The following LRRC4C variants were observed in gnomAD, a reference collection of about 807,000 sequenced individuals.
LRRC4C encodes leucine rich repeat containing 4C.
LRRC4C carries 5 observed loss-of-function variants against 33.6 expected under a neutral mutation model. The ratio of observed to expected loss-of-function variants is 0.15; its 90% CI spans 0.08 to 0.31. The LOEUF is 0.31. Ranked by LOEUF, LRRC4C falls within the 10% of genes least tolerant of loss-of-function variation. The pLI is 1.00. For synonymous variants in LRRC4C, 329 were observed against 302.0 expected (o/e 1.09, Z -0.93); for missense variants, 560 against 796.7 (o/e 0.70, Z 3.58).
rs760662792 is a variant in LRRC4C at position 41,329,987 on chromosome 11, AT to A, written c.-496+129443del. Among the ~76,000 whole-genome samples the A allele has an allele frequency of 1.5e-4, 23 of 152,286 alleles. No individual in the cohort carries two copies. The South Asian group carries it at 4.1e-3, about 27-fold the overall frequency. On this transcript the variant is annotated intron_variant, in intron 1 of 6. Coordinates refer to ENST00000528697, the MANE Select transcript of LRRC4C (RefSeq NM_001258419.2). ...ACATCAAATTGCACCCTGTACCTGA[AT>A]TTTCCAGAAGGTTAATACCTGAGAG...
chr11:40,344,260 C>G, intron 3 of LRRC4C, among the ~76,000 whole-genome samples: 1 of 152,112 alleles, frequency 6.6e-6, no homozygotes, highest in East Asian at 1.9e-4. Context: ...CAACAAGACA[C>G]TAGAAAACCA....
intron 4 of LRRC4C, among the ~76,000 whole-genome samples, chr11:40,301,017 G>T (rs1278214943): frequency 6.6e-6 from 1 of 152,154 alleles, no homozygotes; most frequent in Non-Finnish European, 1.5e-5. Context: ...GAAACCCACA[G>T]ATATGGAGGG....
intron 1 of LRRC4C, among the ~76,000 whole-genome samples, chr11:41,099,187 T>C (rs1178487854): frequency 6.6e-6 from 1 of 151,776 alleles, no homozygotes; most frequent in Admixed American, 6.6e-5. Flanking sequence ...ATTAAATCAA[T>C]AAGAAATAGC....
intron 2 of LRRC4C, among the ~76,000 whole-genome samples, chr11:40,836,615 C>T (rs1241095931): frequency 6.6e-6 from 1 of 152,058 alleles, no homozygotes; most frequent in African/African-American, 2.4e-5. Context: ...GAGAAAAGTC[C>T]TGTGTCCCAT....
At chr11:41,239,544 C>T (rs983788498) in intron 1 of LRRC4C, among the ~76,000 whole-genome samples, 1 of 152,032 alleles carries the variant, frequency 6.6e-6, no homozygotes. Context: ...TTTATCTCCC[C>T]TAGGTAGATG....
In LRRC4C at chr11:41,056,715, C is replaced by A. The variant is rs563728286; in HGVS notation, c.-495-122992G>T. ...TGCAAACCAAAACCACAATGAGATA[C>A]CATATCATACCAGTCAGAGTGGCTA... On this transcript the variant is annotated intron_variant, in intron 1 of 6. Transcript: ENST00000528697. 3.9e-5 allele frequency among the ~76,000 whole-genome samples: 6 copies of A among 152,260 alleles called. No individual in the cohort carries two copies. The East Asian group carries it at 1.2e-3, about 29-fold the overall frequency.
chr11:40,722,182 T>A (rs1349525619), intron 2 of LRRC4C, among the ~76,000 whole-genome samples: 1 of 152,202 alleles, frequency 6.6e-6, no homozygotes, highest in Non-Finnish European at 1.5e-5. Context: ...TTTATTAATT[T>A]TAATTTTGTT....
chr11:41,330,520 C>T (rs12576336), intron 1 of LRRC4C, among the ~76,000 whole-genome samples: 27,247 of 151,836 alleles, frequency 0.18, 2,855 homozygotes, highest in East Asian at 0.45. Context: ...CCTCATTTAC[C>T]TCCTTCACCC....
chr11:41,265,360 C>G (rs1388622040), intron 1 of LRRC4C, among the ~76,000 whole-genome samples: 3 of 152,044 alleles, frequency 2.0e-5, no homozygotes, highest in Non-Finnish European at 4.4e-5. Flanking sequence ...GCAGAGAGGA[C>G]TGGGCTGGTT....
At chr11:40,849,076 TA>T (rs1354854538) in intron 2 of LRRC4C, among the ~76,000 whole-genome samples, 1 of 152,052 alleles carries the variant, frequency 6.6e-6, no homozygotes, top group Non-Finnish European at 1.5e-5. Flanking sequence ...ACAGCACACA[TA>T]TGGTTCTTGA....
intron 1 of LRRC4C, among the ~76,000 whole-genome samples, chr11:40,998,490 G>A (rs1399040130): frequency 1.3e-5 from 2 of 151,978 alleles, no homozygotes. Context: ...ATACATCTCT[G>A]GGGTTTTATT....
At chr11:40,969,654 G>A (rs375255760) in intron 1 of LRRC4C, among the ~76,000 whole-genome samples, 36 of 152,154 alleles carry the variant, frequency 2.4e-4, no homozygotes, top group African/African-American at 8.4e-4. Context: ...AGACTCAGAT[G>A]ATTATTAGCA....
rs559443811 is a variant in LRRC4C, at chr11:40,636,910, G to A, written c.-270+11232C>T. 2.6e-5 allele frequency among the ~76,000 whole-genome samples: 4 copies of A among 152,244 alleles called. No individual in the cohort carries two copies. The South Asian group carries it at 8.3e-4, about 32-fold the overall frequency. On this transcript the variant is annotated intron_variant, in intron 3 of 6. Coordinates refer to ENST00000528697, the MANE Select transcript of LRRC4C (RefSeq NM_001258419.2). ...TGGCAGTGAGCACCCTGAGAATGCC[G>A]GTCTGAGGCACAGTCATCTTCCTCT... is the stretch of plus-strand genomic sequence containing the variant.
At chr11:41,283,504 G>GA (rs1001133013) in intron 1 of LRRC4C, among the ~76,000 whole-genome samples, 2 of 152,096 alleles carry the variant, frequency 1.3e-5, no homozygotes, top group Non-Finnish European at 2.9e-5. Context: ...TTGAGTGGTT[G>GA]AAAAAACAAA....
At chr11:40,545,815 G>A (rs1049394099) in intron 3 of LRRC4C, among the ~76,000 whole-genome samples, 2 of 151,832 alleles carry the variant, frequency 1.3e-5, no homozygotes, top group Non-Finnish European at 2.9e-5. Flanking sequence ...ATAATTCAGG[G>A]TTCACCTAGA....
At chr11:41,398,999 A>T (rs536943470) in intron 1 of LRRC4C, among the ~76,000 whole-genome samples, 4 of 152,032 alleles carry the variant, frequency 2.6e-5, no homozygotes, top group Admixed American at 1.3e-4. Context: ...AAATCTCTGG[A>T]TTAAGGCTAC....
rs775679545 is a variant in LRRC4C at position 41,442,458 on chromosome 11, CTTTTTTTTTT to C, written c.-496+16963_-496+16972del. ...AGTTCTCTCTCTTTGTTGCTTTTTT[CTTTTTTTTTT>C]TTTTTTTTTTTTTTTTTTTGAGACA... is the stretch of plus-strand genomic sequence containing the variant. On this transcript the variant is annotated intron_variant, in intron 1 of 6. Coordinates refer to ENST00000528697, the MANE Select transcript of LRRC4C (RefSeq NM_001258419.2). 9.6e-3 allele frequency among the ~76,000 whole-genome samples: 808 copies of C among 83,978 alleles called. 3 individuals carry two copies. Among genetic ancestry groups the C allele is most frequent in the African/African-American group, 0.034 (696 of 20,746 alleles). 55.1% of individuals were successfully genotyped at this position (83,978 alleles called of 152,430 possible). A position where few individuals can be genotyped will look rare whatever the true frequency, so the allele number is the denominator to read the frequency against.
At chr11:40,691,704 C>A (rs1409695421) in intron 2 of LRRC4C, among the ~76,000 whole-genome samples, 2 of 152,008 alleles carry the variant, frequency 1.3e-5, no homozygotes, top group African/African-American at 4.8e-5. Context: ...AAGAATAAAG[C>A]ATTTTGACAA....
chr11:41,365,086 G>C (rs1952487861), intron 1 of LRRC4C, among the ~76,000 whole-genome samples: 1 of 152,134 alleles, frequency 6.6e-6, no homozygotes, highest in South Asian at 2.1e-4. Context: ...CTGCAAAGCA[G>C]GAGCTGAGTA....
Sources: allele counts gnomAD v4.1 joint callset (sites outside exome capture counted in the v4.1 genomes callset), GRCh38; gene constraint gnomAD v4.1.1; transcripts MANE v1.5; gene names NCBI Gene and HGNC (gene_info 2026-07-23, HGNC 2026-07-21).